Variants in NKTR observed in about 807,000 individuals in gnomAD.
The protein encoded by NKTR is NK-tumor recognition protein.
A neutral mutation model predicts 156.3 loss-of-function variants in NKTR; 67 were observed. The ratio of observed to expected loss-of-function variants is 0.43; its 90% CI spans 0.35 to 0.53. The LOEUF (loss-of-function observed/expected upper bound fraction) is 0.53. NKTR is among the 20% of genes least tolerant of loss of function. NKTR has a pLI of 0.01. For synonymous variants in NKTR, 640 were observed against 596.6 expected (o/e 1.07, Z -1.06); for missense variants, 1,604 against 1,730.9 (o/e 0.93, Z 1.30).
At chr3:42,602,484 G>A (rs537039842) in intron 2 of NKTR, 2 of 152,122 alleles carry the variant, frequency 1.3e-5, no homozygotes, top group East Asian at 3.9e-4. Flanking sequence ...TGGAGTAGAA[G>A]AGGAAAGAGA....
At position 42,634,679 on chromosome 3, in the gene NKTR, G is replaced by T. The variant is rs1304218406; in HGVS notation, c.996G>T (p.Lys332Asn). Residue 332 changes from lysine (K) to asparagine (N), a missense_variant, in exon 11 of 17, where the codon AAG (lysine) becomes AAT (asparagine). By Grantham distance (94) the Lys-to-Asn change is moderately conservative. This residue lies in a region of NKTR where 1,255 missense variants were observed against 1,243.7 expected (regional missense o/e 1.01). Coordinates refer to ENST00000232978, the MANE Select transcript of NKTR (RefSeq NM_005385.4). ...QKPSVSKSGR[K>N]IKGRGTIRYH... is the part of the protein sequence containing the mutation. ...CATCTGTATCAAAGTCTGGACGGAAGATTAAAGGAAGGGGCACAATTGTAT... is the reference window on the plus strand; with the variant it reads ...CATCTGTATCAAAGTCTGGACGGAATATTAAAGGAAGGGGCACAATTGTAT... The T allele has an allele frequency of 6.3e-7, 1 of 1,599,670 alleles. No individual in the cohort carries two copies. The highest frequency in any genetic ancestry group is 8.5e-7 in the Non-Finnish European group (1 of 1,171,168).
chr3:42,608,219 G>C (rs1706425898), intron 2 of NKTR, among the ~76,000 whole-genome samples: 1 of 151,580 alleles, frequency 6.6e-6, no homozygotes, highest in Admixed American at 6.6e-5. Context: ...CTAAACTCCT[G>C]ACCTCAGGTA....
In NKTR at chr3:42,638,483, A is replaced by G. The variant is rs919093718; in HGVS notation, c.2779A>G (p.Ile927Val). ...DSESEVSEIH[I>V]KVKPTTKSST... ...TGAATCAGAGGTTAGTGAAATTCAC[A>G]TCAAAGTCAAACCCACAACCAAGTC... Residue 927 changes from isoleucine (I) to valine (V), a missense_variant, in exon 13 of 17, where the codon ATC becomes GTC. Physicochemically the swap from Ile to Val is conservative, Grantham distance 29. Around this residue, in one of 6 missense-constraint regions of NKTR, gnomAD observed 1,255 missense variants for 1,243.7 expected, o/e 1.01. Transcript: ENST00000232978. 6.2e-7 allele frequency: 1 copy of G among 1,611,082 alleles called. No individual in the cohort carries two copies. The highest frequency in any genetic ancestry group is 1.1e-5 in the South Asian group (1 of 90,356).
At chr3:42,613,269 A>G (rs1184322484) in intron 2 of NKTR, among the ~76,000 whole-genome samples, 1 of 151,922 alleles carries the variant, frequency 6.6e-6, no homozygotes, top group Non-Finnish European at 1.5e-5. Context: ...TCTTCTTGAA[A>G]CTCAGGCACA....
At chr3:42,608,045 A>G (rs1380063725) in intron 2 of NKTR, among the ~76,000 whole-genome samples, 2 of 124,234 alleles carry the variant, frequency 1.6e-5, no homozygotes, top group African/African-American at 3.1e-5. Context: ...GCTGGAGTGC[A>G]ATGGCGCGAT....
rs114706209 is a variant in NKTR at position 42,627,733 on chromosome 3, T to G, written c.375-2813T>G. 559 of 983,746 alleles carry G rather than the reference T, an allele frequency of 5.7e-4. 3 individuals carry two copies. The African/African-American group carries it at 9.3e-3, about 16-fold the overall frequency. The allele number at this position is 983,746 out of a possible 1,614,324, so 60.9% of individuals were successfully genotyped here. On this transcript the variant is annotated intron_variant, in intron 6 of 16. Transcript: ENST00000232978. Reference sequence around the variant, plus strand: ...ATAAATATTGAAAGGTTTTACAATTTGAAATGTTCTTTGTGGTTTTTTCTT... The same window carrying G: ...ATAAATATTGAAAGGTTTTACAATTGGAAATGTTCTTTGTGGTTTTTTCTT...
intron 2 of NKTR, among the ~76,000 whole-genome samples, chr3:42,613,023 AT>A (rs1706991867): frequency 3.3e-5 from 5 of 152,234 alleles, no homozygotes; most frequent in Admixed American, 3.3e-4. Context: ...TATTATTATT[AT>A]TAAATATTTA....
intron 3 of NKTR, among the ~76,000 whole-genome samples, chr3:42,618,361 A>C (rs1159124011): frequency 1.3e-5 from 2 of 152,036 alleles, no homozygotes; most frequent in East Asian, 3.9e-4. Context: ...CAAAAAAAAA[A>C]AAAAAAAAAT....
Position 42,631,158 on chromosome 3 carries a change from T to G in NKTR, c.405-13T>G. The G allele has an allele frequency of 6.2e-7, 1 of 1,611,996 alleles. No individual in the cohort carries two copies. The highest frequency in any genetic ancestry group is 1.7e-4 in the Middle Eastern group (1 of 6,048). ...TATCAAACCAGTTGTTTCTTGAATT[T>G]GTATTATGACAGGGTGCATGTAGTC... On this transcript the variant is annotated splice_polypyrimidine_tract_variant and intron_variant, in intron 7 of 16. Transcript: ENST00000232978.
At position 42,639,411 on chromosome 3, in the gene NKTR, C is replaced by A; in HGVS notation, c.3707C>A (p.Ala1236Glu). The A allele has an allele frequency of 6.2e-7, 1 of 1,614,074 alleles. No homozygotes were observed. Among genetic ancestry groups the A allele is most frequent in the Non-Finnish European group, 8.5e-7 (1 of 1,179,990 alleles). ...WKPLQGVGNL[A>E]APNAATSSAV... is the part of the protein sequence containing the mutation. ...CCCCTGCAAGGTGTGGGGAACCTGGCAGCACCTAATGCTGCCACATCCAGT... is the reference window on the plus strand; with the variant it reads ...CCCCTGCAAGGTGTGGGGAACCTGGAAGCACCTAATGCTGCCACATCCAGT... Residue 1236 changes from alanine (A) to glutamate (E), a missense_variant, in exon 13 of 17, where the codon GCA (alanine) becomes GAA (glutamate). By Grantham distance (107) the Ala-to-Glu change is moderately radical. Around this residue, in one of 6 missense-constraint regions of NKTR, gnomAD observed 1,255 missense variants for 1,243.7 expected, o/e 1.01. Transcript: ENST00000232978.
chr3:42,609,385 T>C (rs1003000278), intron 2 of NKTR, among the ~76,000 whole-genome samples: 1 of 152,224 alleles, frequency 6.6e-6, no homozygotes, highest in Non-Finnish European at 1.5e-5. Flanking sequence ...TCTTTAGGAA[T>C]ATAAGCTGAA....
rs112972628 is a variant in NKTR, at chr3:42,618,857, C to T, written c.134-163C>T. On this transcript the variant is annotated intron_variant, in intron 3 of 16. Coordinates refer to ENST00000232978, the MANE Select transcript of NKTR (RefSeq NM_005385.4). ...GCTTTGGATTATTTATTTTGGTTTGCGTGCATGTGTGTATGTTAAATTATC... is the reference window on the plus strand; with the variant it reads ...GCTTTGGATTATTTATTTTGGTTTGTGTGCATGTGTGTATGTTAAATTATC... Among the ~76,000 whole-genome samples, 1,041 of 152,104 alleles carry T rather than the reference C, an allele frequency of 6.8e-3. 13 individuals carry two copies. The highest frequency in any genetic ancestry group is 0.024 in the African/African-American group (976 of 41,494).
At chr3:42,618,262 A>C (rs992846596) in intron 3 of NKTR, among the ~76,000 whole-genome samples, 1 of 151,244 alleles carries the variant, frequency 6.6e-6, no homozygotes, top group Non-Finnish European at 1.5e-5. Flanking sequence ...GAGGCAAGAG[A>C]ATCACTTGAA....
At chr3:42,608,052 C>T (rs925233623) in intron 2 of NKTR, among the ~76,000 whole-genome samples, 19 of 133,884 alleles carry the variant, frequency 1.4e-4, no homozygotes, top group South Asian at 2.4e-4. Context: ...TGCAATGGCG[C>T]GATCTCAGCT....
chr3:42,647,167 G>A lies in NKTR; in HGVS notation c.*1192G>A, dbSNP rs1272215829. 6.6e-6 allele frequency: 1 copy of A among 152,042 alleles called. No homozygotes were observed. The highest frequency in any genetic ancestry group is 1.5e-5 in the Non-Finnish European group (1 of 68,044). The allele number at this position is 152,042 out of a possible 1,614,324, so 9.4% of individuals were successfully genotyped here. A position where few individuals can be genotyped will look rare whatever the true frequency, so the allele number is the denominator to read the frequency against. ...CAAAGCCTTGCGTGACCTGACCCAG[G>A]TGCAAGAGACAGGGGAAGAGGGATA... On this transcript the variant is annotated 3_prime_UTR_variant, in exon 17 of 17. Transcript: ENST00000232978.
intron 6 of NKTR, chr3:42,630,287 T>C: frequency 8.3e-7 from 1 of 1,211,606 alleles, no homozygotes; most frequent in Non-Finnish European, 1.0e-6. Context: ...CAAGTCAAAC[T>C]GATTTCATAT....
At chr3:42,608,620 A>C (rs1189498621) in intron 2 of NKTR, among the ~76,000 whole-genome samples, 1 of 152,134 alleles carries the variant, frequency 6.6e-6, no homozygotes, top group Admixed American at 6.5e-5. Flanking sequence ...GTATGATTGC[A>C]TATGTGTGAT....
intron 6 of NKTR, chr3:42,627,157 G>A: frequency 1.1e-6 from 1 of 902,876 alleles, no homozygotes; most frequent in Non-Finnish European, 1.3e-6. Context: ...TCTTAAAAGT[G>A]TATTACAATT....
intron 2 of NKTR, among the ~76,000 whole-genome samples, chr3:42,613,951 G>A (rs1707097827): frequency 6.6e-6 from 1 of 152,080 alleles, no homozygotes; most frequent in African/African-American, 2.4e-5. Context: ...ATAGAGCTGT[G>A]TATCTATTGG....
Sources: allele counts gnomAD v4.1 joint callset (sites outside exome capture counted in the v4.1 genomes callset), GRCh38; gene constraint gnomAD v4.1.1; regional missense constraint gnomAD v4.1.1; transcripts MANE v1.5; gene names NCBI Gene and HGNC (gene_info 2026-07-23, HGNC 2026-07-21).